The following PRPF31 variants were observed in gnomAD, a reference collection of about 807,000 sequenced individuals.
The protein encoded by PRPF31 is U4/U6 small nuclear ribonucleoprotein Prp31.
A neutral mutation model predicts 60.4 loss-of-function variants in PRPF31; 12 were observed. The ratio of observed to expected loss-of-function variants is 0.20; its 90% confidence interval spans 0.13 to 0.32. The LOEUF is 0.32. PRPF31 is among the 10% of genes least tolerant of loss of function. The pLI is 1.00. For synonymous variants in PRPF31, 287 were observed against 287.9 expected, an observed-to-expected ratio of 1.00 and a Z score of 0.03; for missense variants, 431 against 687.1, an observed-to-expected ratio of 0.63 and a Z score of 4.17.
Position 54,122,587 on chromosome 19 carries a change from C to CG in PRPF31, c.415dup (p.Val139GlyfsTer15). 1 of 1,613,626 alleles carries CG rather than the reference C, an allele frequency of 6.2e-7. No homozygotes were observed. The highest frequency in any genetic ancestry group is 8.5e-7 in the Non-Finnish European group (1 of 1,179,506). ...CCCAATGCACTGGATTACATCCGCA[C>CG]GGTCAAGGTGAGCGCAGAGAAGGTG... On this transcript the variant is annotated frameshift_variant, in exon 5 of 14. Transcript: ENST00000321030. LOFTEE classifies it high-confidence loss of function.
intron 4 of PRPF31, 81 bp from the exon 5 acceptor site, chr19:54,122,416 G>A (rs1226317450): frequency 1.7e-5 from 18 of 1,029,644 alleles, no homozygotes; most frequent in African/African-American, 3.1e-5. Context: ...ACTAAAGGAA[G>A]AAGGGGACAT....
At chr19:54,124,959 A>C (rs1568592149) in intron 8 of PRPF31, 2 of 542,346 alleles carry the variant, frequency 3.7e-6, no homozygotes, top group Non-Finnish European at 6.7e-6. Context: ...AAGCACTTAC[A>C]GTTCAGGCCT....
At chr19:54,129,825 G>A (rs1038171778) in intron 13 of PRPF31, among the ~76,000 whole-genome samples, 7 of 151,536 alleles carry the variant, frequency 4.6e-5, no homozygotes, top group African/African-American at 1.5e-4. Flanking sequence ...CCGCATCGTC[G>A]GAGCCTCGGT....
At chr19:54,121,200 G>A (rs587666306) in intron 3 of PRPF31, among the ~76,000 whole-genome samples, 6 of 152,084 alleles carry the variant, frequency 3.9e-5, no homozygotes, top group African/African-American at 1.4e-4. Context: ...CTACTCAGGA[G>A]GCTGAGGCAG....
chr19:54,126,731 C>T (rs1037601351), intron 9 of PRPF31, 114 bp downstream of exon 9: 32 of 1,085,342 alleles, frequency 2.9e-5, no homozygotes, highest in African/African-American at 7.8e-5. Context: ...CCTACCAAGG[C>T]GGAGGCAGTG....
Position 54,131,523 on chromosome 19 carries a change from A to G in PRPF31, c.*91A>G. 6.6e-7 allele frequency: 1 copy of G among 1,503,890 alleles called. No homozygotes were observed. The highest frequency in any genetic ancestry group is 9.0e-7 in the Non-Finnish European group (1 of 1,111,214). 93.2% of individuals were successfully genotyped at this position (1,503,890 alleles called of 1,614,324 possible). ...CTAGGATCGGGTTCTGGCAGGGAGA[A>G]CCTGCCCTGCCACTGGCCCCATTGC... On this transcript the variant is annotated 3_prime_UTR_variant, in exon 14 of 14. Coordinates refer to ENST00000321030, the MANE Select transcript of PRPF31 (RefSeq NM_015629.4).
chr19:54,124,644 G>T lies in PRPF31; in HGVS notation c.843G>T (p.Gln281His). The T allele has an allele frequency of 6.2e-7, 1 of 1,613,042 alleles. No individual in the cohort carries two copies. Among genetic ancestry groups the T allele is most frequent in the Non-Finnish European group, 8.5e-7 (1 of 1,180,016 alleles). ...ACATCTACCACAGTGACATCGTGCA[G>T]TCCCTGCCACCGGTGAGCCCACTGC... Reference protein sequence around the residue: ...TGYIYHSDIVQSLPPDLRRKA... With the variant: ...TGYIYHSDIVHSLPPDLRRKA... The change falls in exon 8 of 14, where the codon CAG becomes CAT. Residue 281 changes from glutamine (Q) to histidine (H), a missense_variant. Physicochemically the swap from Gln to His is conservative, Grantham distance 24. Around this residue, in one of 4 missense-constraint regions of PRPF31, gnomAD observed 314 missense variants for 475.3 expected, o/e 0.66. Coordinates refer to ENST00000321030, the MANE Select transcript of PRPF31 (RefSeq NM_015629.4).
At chr19:54,124,102 A>C (rs2146422794) in intron 7 of PRPF31, 184 bp downstream of exon 7, 1 of 1,249,902 alleles carries the variant, frequency 8.0e-7, no homozygotes, top group Non-Finnish European at 1.1e-6. Context: ...AAAAACACTC[A>C]CCCACAGCTC....
intron 3 of PRPF31, chr19:54,119,815 G>A (rs1347023489): frequency 6.6e-6 from 1 of 152,170 alleles, no homozygotes; most frequent in Non-Finnish European, 1.5e-5. Flanking sequence ...TTCTTGAATG[G>A]AATTTGTTGA....
At chr19:54,116,589 G>C (rs1343994532) in intron 1 of PRPF31, among the ~76,000 whole-genome samples, 10 of 152,216 alleles carry the variant, frequency 6.6e-5, no homozygotes, top group African/African-American at 2.4e-4. Context: ...AAAATTGTTC[G>C]CTACCCTCTT....
chr19:54,127,974 T>G, intron 9 of PRPF31, 99 bp from the exon 10 acceptor site: 2 of 1,511,500 alleles, frequency 1.3e-6, no homozygotes, highest in South Asian at 2.4e-5. Flanking sequence ...AGGTGCTGAT[T>G]TAACTAAGGC....
chr19:54,130,481 C>T (rs777196904), intron 13 of PRPF31, among the ~76,000 whole-genome samples: 28 of 152,252 alleles, frequency 1.8e-4, no homozygotes, highest in Admixed American at 2.6e-4. Context: ...AAAACTTAGC[C>T]GGGCGTGGTG....
At chr19:54,128,225 G>C (rs1346559163) in intron 10 of PRPF31, 25 bp downstream of exon 10, 2 of 1,567,970 alleles carry the variant, frequency 1.3e-6, no homozygotes, top group African/African-American at 2.7e-5. Flanking sequence ...GGGTCCGGTA[G>C]GCATGGGGGT....
intron 3 of PRPF31, chr19:54,119,566 G>C (rs932819883): frequency 2.5e-4 from 38 of 150,926 alleles, no homozygotes; most frequent in African/African-American, 9.3e-4. Flanking sequence ...ATGTGTTCTT[G>C]GCTCATTGCA....
intron 1 of PRPF31, among the ~76,000 whole-genome samples, chr19:54,117,544 T>C (rs748655710): frequency 2.0e-5 from 3 of 152,312 alleles, no homozygotes; most frequent in Middle Eastern, 3.4e-3. Flanking sequence ...ATACCTAGTT[T>C]GTTTCAAGAT....
At chr19:54,120,249 G>A (rs1600330094) in intron 3 of PRPF31, 2 of 152,360 alleles carry the variant, frequency 1.3e-5, no homozygotes, top group Non-Finnish European at 2.9e-5. Flanking sequence ...GAGGGTTATG[G>A]GACACAGAAA....
rs35858995 is a variant in PRPF31, at chr19:54,128,502, T to TCC, written c.1146+134_1146+135dup. ...TCATGTCTAGGGCGCTGCCCCAGCCTCCCCCCCCCCGGCCTCTATTCTCGT... is the reference window on the plus strand; with the variant it reads ...TCATGTCTAGGGCGCTGCCCCAGCCTCCCCCCCCCCCCGGCCTCTATTCTCGT... On this transcript the variant is annotated intron_variant, in intron 11 of 13. Coordinates refer to ENST00000321030, the MANE Select transcript of PRPF31 (RefSeq NM_015629.4). The TCC allele has an allele frequency of 8.5e-3, 6,888 of 813,308 alleles. 37 individuals carry two copies. Among genetic ancestry groups the TCC allele is most frequent in the Non-Finnish European group, 0.011 (5,595 of 518,756 alleles). The allele number at this position is 813,308 out of a possible 1,614,324, so 50.4% of individuals were successfully genotyped here. A position where few individuals can be genotyped will look rare whatever the true frequency, so the allele number is the denominator to read the frequency against.
chr19:54,120,858 C>G (rs113849387), intron 3 of PRPF31, among the ~76,000 whole-genome samples: 4,034 of 152,228 alleles, frequency 0.026, 180 homozygotes, highest in African/African-American at 0.091. Context: ...AAGCAGTTCT[C>G]CTGCCTCAGC....
At chr19:54,128,476 C>A in intron 11 of PRPF31, 99 bp downstream of exon 11, 2 of 1,257,020 alleles carry the variant, frequency 1.6e-6, no homozygotes, top group Non-Finnish European at 2.3e-6. Flanking sequence ...GTGGCCCTGG[C>A]TCATGTCTAG....
Sources: gnomAD v4.1 joint callset for allele counts (sites outside exome capture counted in the v4.1 genomes callset) on GRCh38, gnomAD v4.1.1 for gene constraint, gnomAD v4.1.1 regional missense constraint, MANE v1.5 for transcripts, NCBI Gene and HGNC (gene_info 2026-07-23, HGNC 2026-07-21) for gene names.